The following LMO2 variants were observed in gnomAD, a reference collection of about 807,000 sequenced individuals.
LMO2 encodes rhombotin-2.
Under a neutral mutation model 23.2 loss-of-function variants are expected in LMO2, and 20 were observed. The observed-to-expected ratio is 0.86, with a 90% CI of 0.61 to 1.25. The LOEUF (loss-of-function observed/expected upper bound fraction) is 1.25. Among genes scored for constraint, LMO2 ranks in the 50% most tolerant of loss-of-function variants. LMO2 has a pLI of 0.00. For synonymous variants in LMO2, 123 were observed against 130.2 expected (o/e 0.94, Z 0.38); for missense variants, 270 against 315.3 (o/e 0.86, Z 1.09).
chr11:33,890,270 T>C (rs1041148700), intron 1 of LMO2, among the ~76,000 whole-genome samples: 2 of 151,766 alleles, frequency 1.3e-5, no homozygotes, highest in Admixed American at 1.3e-4. Context: ...ATAGATACCT[T>C]AGAAGCCCTG....
chr11:33,863,149 C>T (rs1272484800), intron 5 of LMO2, among the ~76,000 whole-genome samples: 3 of 152,060 alleles, frequency 2.0e-5, no homozygotes, highest in East Asian at 1.9e-4. Context: ...ATCATTTACC[C>T]GTCTGCCCTC....
rs61880515 is a variant in LMO2 at position 33,884,242 on chromosome 11, G to A, written c.-335-2355C>T. ...GGACCTACGTAGATATAGGACAGGG[G>A]CCCACCTGTTGAATAATGCCGAGAG... On this transcript the variant is annotated intron_variant, in intron 1 of 5. Transcript: ENST00000257818. 6.8e-3 allele frequency among the ~76,000 whole-genome samples: 1,038 copies of A among 152,222 alleles called. 9 individuals are homozygous for A. The highest frequency in any genetic ancestry group is 0.012 in the South Asian group (60 of 4,808).
chr11:33,871,171 G>T, intron 2 of LMO2: 3 of 487,130 alleles, frequency 6.2e-6, no homozygotes, highest in Non-Finnish European at 8.0e-6. Context: ...GTGTCCCAAG[G>T]CTTGGGTCCC....
chr11:33,865,914 G>A (rs899879570), intron 4 of LMO2, among the ~76,000 whole-genome samples: 5 of 152,236 alleles, frequency 3.3e-5, no homozygotes, highest in Non-Finnish European at 7.3e-5. Context: ...ATAATAATTA[G>A]CAAGTGTTCT....
At chr11:33,885,834 T>C (rs947255332) in intron 1 of LMO2, among the ~76,000 whole-genome samples, 1 of 151,232 alleles carries the variant, frequency 6.6e-6, no homozygotes, top group Non-Finnish European at 1.5e-5. Flanking sequence ...GGCTGGGCTG[T>C]GGTCATCACC....
In LMO2 at chr11:33,869,920, TTCC is replaced by T. The variant is rs1856963234; in HGVS notation, c.-207_-205del. On this transcript the variant is annotated 5_prime_UTR_variant, in exon 3 of 6. Coordinates refer to ENST00000257818, the MANE Select transcript of LMO2 (RefSeq NM_005574.4). ...GGGGACCGTGCGTCTCTCTCCGGGC[TTCC>T]TCCTCTCTCGGGAAGGTCTATTTTC... 10 of 1,050,090 alleles carry T rather than the reference TTCC, an allele frequency of 9.5e-6. No homozygotes were observed. Among genetic ancestry groups the T allele is most frequent in the Middle Eastern group, 4.4e-4 (1 of 2,292 alleles). The allele number at this position is 1,050,090 out of a possible 1,614,324, so 65.0% of individuals were successfully genotyped here.
intron 1 of LMO2, among the ~76,000 whole-genome samples, chr11:33,890,101 T>C (rs1294503735): frequency 4.6e-5 from 7 of 152,024 alleles, no homozygotes; most frequent in Admixed American, 4.6e-4. Context: ...TGTGAACACA[T>C]GGCATTAGGG....
At chr11:33,879,054 T>C (rs909996631) in intron 2 of LMO2, among the ~76,000 whole-genome samples, 32 of 152,310 alleles carry the variant, frequency 2.1e-4, no homozygotes, top group Non-Finnish European at 2.6e-4. Context: ...TTATTGAAGA[T>C]AGCCCATGCA....
chr11:33,881,515 T>G (rs1565035478), intron 2 of LMO2: 3 of 405,492 alleles, frequency 7.4e-6, no homozygotes, highest in Non-Finnish European at 1.0e-5. Flanking sequence ...TAGCAAGTCA[T>G]CTAGGCTCTG....
At chr11:33,869,055 C>T (rs1856895088) in intron 4 of LMO2, among the ~76,000 whole-genome samples, 1 of 152,240 alleles carries the variant, frequency 6.6e-6, no homozygotes, top group Non-Finnish European at 1.5e-5. Flanking sequence ...TGCCTGCTCC[C>T]GTGCAAACTT....
At chr11:33,874,567 T>C (rs922208447) in intron 2 of LMO2, among the ~76,000 whole-genome samples, 3 of 152,246 alleles carry the variant, frequency 2.0e-5, no homozygotes, top group Admixed American at 6.5e-5. Context: ...TCAGAAACGA[T>C]AGCTGTTGGT....
Position 33,859,589 on chromosome 11 carries a change from A to C in LMO2, c.465-14T>G. Reference sequence around the variant, plus strand: ...TGCCCAAAAAGCCTGGGGCAAAAGAAAGAAAAGCTAAGAAGACAGTGAAAG... The same window carrying C: ...TGCCCAAAAAGCCTGGGGCAAAAGACAGAAAAGCTAAGAAGACAGTGAAAG... On this transcript the variant is annotated splice_polypyrimidine_tract_variant and intron_variant, in intron 5 of 5. Transcript: ENST00000257818. The C allele has an allele frequency of 1.2e-6, 2 of 1,611,284 alleles. No individual in the cohort carries two copies. The highest frequency in any genetic ancestry group is 1.8e-4 in the Middle Eastern group (1 of 5,678).
chr11:33,870,861 T>C lies in LMO2; in HGVS notation c.-271-874A>G, dbSNP rs1037458902. 1.2e-4 allele frequency among the ~76,000 whole-genome samples: 18 copies of C among 152,234 alleles called. 1 individual carries two copies. Among genetic ancestry groups the C allele is most frequent in the Admixed American group, 1.1e-3 (17 of 15,294 alleles). On this transcript the variant is annotated intron_variant, in intron 2 of 5. Transcript: ENST00000257818. ...GGGTTCAGGCTTCCCCCTCTCAGCC[T>C]CCTTCTAGAAAGAGGCAGGAACGCA...
chr11:33,869,652 CG>C, intron 3 of LMO2, 57 bp downstream of exon 3: 6 of 1,259,144 alleles, frequency 4.8e-6, no homozygotes, highest in East Asian at 3.6e-5. Context: ...AGGCGGGGGC[CG>C]GGGCGCGCAG....
At chr11:33,890,468 C>T (rs1857518697) in intron 1 of LMO2, among the ~76,000 whole-genome samples, 1 of 152,188 alleles carries the variant, frequency 6.6e-6, no homozygotes, top group Non-Finnish European at 1.5e-5. Flanking sequence ...TCTCCTCTCT[C>T]AGCCTCCCGA....
chr11:33,861,997 G>T (rs941927982), intron 5 of LMO2, among the ~76,000 whole-genome samples: 1 of 152,288 alleles, frequency 6.6e-6, no homozygotes. Context: ...AATAAGCCGG[G>T]ACTTGACACC....
chr11:33,862,433 A>G (rs1339370575), intron 5 of LMO2, among the ~76,000 whole-genome samples: 3 of 152,208 alleles, frequency 2.0e-5, no homozygotes, highest in Non-Finnish European at 4.4e-5. Flanking sequence ...GGATCCAAGG[A>G]GATCTGGCTC....
At chr11:33,860,983 C>T (rs577870023) in intron 5 of LMO2, among the ~76,000 whole-genome samples, 1 of 152,118 alleles carries the variant, frequency 6.6e-6, no homozygotes, top group East Asian at 1.9e-4. Context: ...CTTCAATGTC[C>T]CGGACCAGCC....
intron 5 of LMO2, among the ~76,000 whole-genome samples, chr11:33,860,953 C>G (rs543062259): frequency 6.6e-6 from 1 of 152,166 alleles, no homozygotes; most frequent in Non-Finnish European, 1.5e-5. Context: ...ACACAAGTAC[C>G]GGAAGCAGAG....
Sources: allele counts gnomAD v4.1 joint callset (sites outside exome capture counted in the v4.1 genomes callset), GRCh38; gene constraint gnomAD v4.1.1; transcripts MANE v1.5; gene names NCBI Gene and HGNC (gene_info 2026-07-23, HGNC 2026-07-21).